ZDHHC13: variants seen among roughly 807,000 people sequenced by gnomAD.
ZDHHC13 encodes zDHHC palmitoyltransferase 13, also known as palmitoyltransferase ZDHHC13.
ZDHHC13 carries 85 observed loss-of-function variants against 86.0 expected under a neutral mutation model. The observed-to-expected ratio is 0.99, with a 90% CI of 0.83 to 1.18. The LOEUF is 1.18. Among genes scored for constraint, ZDHHC13 ranks in the 50% most tolerant of loss-of-function variants. The probability of loss-of-function intolerance (pLI) is 0.00; values close to 1 mark genes in which losing one functional copy is unlikely to be tolerated. For synonymous variants in ZDHHC13, 263 were observed against 246.4 expected (o/e 1.07, Z -0.63); for missense variants, 711 against 730.2 (o/e 0.97, Z 0.30).
chr11:19,145,947 A>G (rs1246540337), intron 2 of ZDHHC13, among the ~76,000 whole-genome samples: 2 of 152,228 alleles, frequency 1.3e-5, no homozygotes, highest in African/African-American at 4.8e-5. Flanking sequence ...AAGTTTACTT[A>G]AGAAAGTCAA....
chr11:19,134,459 A>G (rs560339742), intron 1 of ZDHHC13, among the ~76,000 whole-genome samples: 8 of 152,346 alleles, frequency 5.3e-5, no homozygotes, highest in Admixed American at 2.0e-4. Context: ...AACCAACTCA[A>G]ATGCCCATCA....
chr11:19,164,532 A>G (rs1850003731), intron 12 of ZDHHC13, 169 bp downstream of exon 12: 1 of 635,082 alleles, frequency 1.6e-6, no homozygotes, highest in Non-Finnish European at 2.7e-6. Context: ...ATATGGCAGA[A>G]TGATGTTTAT....
intron 1 of ZDHHC13, among the ~76,000 whole-genome samples, chr11:19,130,932 G>T (rs1370208302): frequency 1.3e-5 from 2 of 149,808 alleles, no homozygotes; most frequent in African/African-American, 4.9e-5. Context: ...TGCAACCTCC[G>T]CCTCCTGGGC....
chr11:19,140,093 C>T (rs1365371775), intron 1 of ZDHHC13, among the ~76,000 whole-genome samples: 2 of 149,472 alleles, frequency 1.3e-5, no homozygotes, highest in Non-Finnish European at 3.0e-5. Flanking sequence ...AGAGCTTCTG[C>T]ACAGCAAAAG....
chr11:19,119,257 C>T (rs976347035), intron 1 of ZDHHC13, among the ~76,000 whole-genome samples: 1 of 152,088 alleles, frequency 6.6e-6, no homozygotes, highest in African/African-American at 2.4e-5. Context: ...ACTATAGGTG[C>T]GGACCACCAC....
chr11:19,159,357 A>AACC (rs1416940570), intron 10 of ZDHHC13, among the ~76,000 whole-genome samples: 7 of 152,162 alleles, frequency 4.6e-5, no homozygotes, highest in Non-Finnish European at 1.0e-4. Flanking sequence ...TGGTTCTCAT[A>AACC]ATTTGGTCAG....
chr11:19,162,974 T>A (rs1234228374), intron 10 of ZDHHC13, among the ~76,000 whole-genome samples: 1 of 152,202 alleles, frequency 6.6e-6, no homozygotes, highest in African/African-American at 2.4e-5. Flanking sequence ...AAGAATATTT[T>A]TCTAGATGCT....
At chr11:19,119,800 C>T (rs1216766340) in intron 1 of ZDHHC13, among the ~76,000 whole-genome samples, 12 of 152,192 alleles carry the variant, frequency 7.9e-5, no homozygotes, top group Non-Finnish European at 2.9e-5. Flanking sequence ...CAATGCCTAG[C>T]ACTGGTGAGT....
At chr11:19,147,782 CCT>C in intron 4 of ZDHHC13, 109 bp downstream of exon 4, 1 of 728,726 alleles carries the variant, frequency 1.4e-6, no homozygotes. Flanking sequence ...TCCCCCCCCC[CCT>C]TTATTTAAAA....
chr11:19,172,141 C>T (rs995639965), intron 15 of ZDHHC13, among the ~76,000 whole-genome samples: 10 of 152,112 alleles, frequency 6.6e-5, no homozygotes, highest in African/African-American at 1.4e-4. Flanking sequence ...GGCGGGATCT[C>T]GGCTCACTGC....
chr11:19,155,550 C>T (rs562280559), intron 8 of ZDHHC13, among the ~76,000 whole-genome samples: 268 of 137,354 alleles, frequency 2.0e-3, no homozygotes, highest in Middle Eastern at 0.018. Context: ...CATTGTGCTC[C>T]AGCCTGGGCA....
intron 2 of ZDHHC13, 59 bp from the exon 3 acceptor site, chr11:19,146,121 AT>A: frequency 6.7e-7 from 1 of 1,488,702 alleles, no homozygotes; most frequent in Non-Finnish European, 9.0e-7. Flanking sequence ...AAGTGAAGAA[AT>A]TTTGATATTT....
intron 4 of ZDHHC13, among the ~76,000 whole-genome samples, chr11:19,148,047 T>C (rs572092498): frequency 1.3e-5 from 2 of 152,338 alleles, no homozygotes; most frequent in African/African-American, 4.8e-5. Flanking sequence ...CTCTTAAATG[T>C]GAAGTATATC....
chr11:19,138,713 C>T (rs1320919582), intron 1 of ZDHHC13, among the ~76,000 whole-genome samples: 7 of 151,484 alleles, frequency 4.6e-5, no homozygotes, highest in Non-Finnish European at 5.9e-5. Flanking sequence ...AGCTTATCCA[C>T]CATGATCAAG....
At chr11:19,130,503 C>T (rs1394371024) in intron 1 of ZDHHC13, among the ~76,000 whole-genome samples, 1 of 152,126 alleles carries the variant, frequency 6.6e-6, no homozygotes, top group Non-Finnish European at 1.5e-5. Context: ...TCTAGAGAGC[C>T]AGATTTCGGC....
At chr11:19,168,928 T>C (rs1370586482) in intron 14 of ZDHHC13, 1 of 984,552 alleles carries the variant, frequency 1.0e-6, no homozygotes, top group African/African-American at 1.7e-5. Context: ...TCTGTAACTG[T>C]CAGAGCCATC....
At chr11:19,149,103 C>T (rs1849542983) in intron 4 of ZDHHC13, 84 bp from the exon 5 acceptor site, 2 of 1,230,190 alleles carry the variant, frequency 1.6e-6, no homozygotes, top group East Asian at 5.9e-5. Flanking sequence ...ACCAAAATCC[C>T]TCATGTCTTA....
At chr11:19,164,985 T>G in intron 12 of ZDHHC13, 67 bp from the exon 13 acceptor site, 6 of 1,384,456 alleles carry the variant, frequency 4.3e-6, no homozygotes, top group Non-Finnish European at 6.1e-6. Context: ...GTTAAAATTT[T>G]GCTTGTGATT....
intron 9 of ZDHHC13, among the ~76,000 whole-genome samples, chr11:19,157,381 G>A (rs1849786285): frequency 5.9e-5 from 9 of 152,142 alleles, no homozygotes; most frequent in South Asian, 2.1e-4. Context: ...TCTTTCTGTC[G>A]CTTGCCAGCA....
Sources: allele counts gnomAD v4.1 joint callset (sites outside exome capture counted in the v4.1 genomes callset), GRCh38; gene constraint gnomAD v4.1.1; transcripts MANE v1.5; gene names NCBI Gene and HGNC (gene_info 2026-07-23, HGNC 2026-07-21).